The following DAG1 variants were observed in gnomAD, a reference collection of about 807,000 sequenced individuals.
DAG1 encodes the protein dystroglycan 1.
In DAG1, 8 loss-of-function variants were observed where a neutral mutation model predicts 46.1. That is an observed-to-expected ratio of 0.17 (90% CI 0.10 to 0.31). DAG1 has a LOEUF of 0.31. Among genes scored for constraint, DAG1 ranks in the 10% least tolerant of loss-of-function variants. DAG1 has a pLI of 1.00. For missense variants in DAG1, 1,003 were observed against 1,189.9 expected, an observed-to-expected ratio of 0.84 and a Z score of 2.31; for synonymous variants, 495 against 481.8, an observed-to-expected ratio of 1.03 and a Z score of -0.36.
intron 1 of DAG1, among the ~76,000 whole-genome samples, chr3:49,478,729 C>T (rs896986938): frequency 3.4e-5 from 5 of 148,600 alleles, no homozygotes; most frequent in African/African-American, 7.4e-5. Flanking sequence ...CACCACTGCA[C>T]TCCAGACTGG....
intron 1 of DAG1, among the ~76,000 whole-genome samples, chr3:49,472,234 G>A (rs533707005): frequency 1.3e-5 from 2 of 152,146 alleles, no homozygotes; most frequent in African/African-American, 2.4e-5. Flanking sequence ...TAACAGAGGA[G>A]AGGTGGGGAG....
intron 1 of DAG1, among the ~76,000 whole-genome samples, chr3:49,503,612 G>A (rs916692375): frequency 1.3e-5 from 2 of 152,116 alleles, no homozygotes; most frequent in African/African-American, 4.8e-5. Context: ...TGGGTGGATT[G>A]CTTTAGCCCA....
rs377337909 is a variant in DAG1 at position 49,532,215 on chromosome 3, C to T, written c.1704C>T (p.Ser568=). 6.2e-7 allele frequency: 1 copy of T among 1,614,098 alleles called. No individual in the cohort carries two copies. The highest frequency in any genetic ancestry group is 8.5e-7 in the Non-Finnish European group (1 of 1,179,926). The change falls in exon 3 of 3, where the codon AGC becomes AGT. Residue 568 remains serine (S), a synonymous_variant. Coordinates refer to ENST00000308775, the MANE Select transcript of DAG1 (RefSeq NM_004393.6). This position sits in a 1 kb window ranked among gnomAD's most constrained non-coding sequence, Gnocchi z 5.4. The part of the protein sequence containing the change: ...SQLMYGLPDS[S]HVGKHEYFMH... The stretch of plus-strand genomic sequence containing the variant: ...TCATGTATGGCCTTCCCGACAGCAG[C>T]CACGTGGGCAAACACGAGTATTTCA...
At chr3:49,495,431 GTAAACATGTGC>G (rs1010429833) in intron 1 of DAG1, among the ~76,000 whole-genome samples, 3 of 152,182 alleles carry the variant, frequency 2.0e-5, no homozygotes, top group Non-Finnish European at 4.4e-5. Flanking sequence ...TAGGTAGTTG[GTAAACATGTGC>G]TGAAGTGTTA....
rs771967262 is a variant in DAG1 at position 49,510,579 on chromosome 3, G to A, written c.45G>A (p.Gly15=). 44 of 1,613,820 alleles carry A rather than the reference G, an allele frequency of 2.7e-5. No homozygotes were observed. Among genetic ancestry groups the A allele is most frequent in the Non-Finnish European group, 1.9e-5 (22 of 1,180,006 alleles). Residue 15 remains glycine (G), a synonymous_variant, in exon 2 of 3, where the codon GGG becomes GGA. Transcript: ENST00000308775. ...TCTCGCTGCTGCTGCCCCTCTCGGG[G>A]AGGACCTTTCTCCTCCTGCTCTCTG... is the stretch of plus-strand genomic sequence containing the variant. ...VGLSLLLPLS[G]RTFLLLLSVV... is the part of the protein sequence containing the mutation.
intron 1 of DAG1, among the ~76,000 whole-genome samples, chr3:49,510,024 C>T (rs1478974380): frequency 6.6e-6 from 1 of 152,122 alleles, no homozygotes; most frequent in East Asian, 1.9e-4. Context: ...CCACGGTGCC[C>T]GTCTTGTTTA....
At chr3:49,482,723 C>T (rs967025552) in intron 1 of DAG1, among the ~76,000 whole-genome samples, 2 of 152,114 alleles carry the variant, frequency 1.3e-5, no homozygotes, top group Admixed American at 1.3e-4. Context: ...TTTTGATATC[C>T]TGGAACCAAT....
chr3:49,472,663 C>T (rs561369448), intron 1 of DAG1, among the ~76,000 whole-genome samples: 18 of 152,128 alleles, frequency 1.2e-4, no homozygotes, highest in Admixed American at 5.9e-4. Context: ...AAAAATTAGC[C>T]GGGCGTGGTG....
At chr3:49,508,227 G>T in intron 1 of DAG1, among the ~76,000 whole-genome samples, 1 of 127,032 alleles carries the variant, frequency 7.9e-6, no homozygotes. Flanking sequence ...ATGAGATGGA[G>T]TTTTGCTCTT....
chr3:49,495,241 G>T (rs1389972933), intron 1 of DAG1, among the ~76,000 whole-genome samples: 1 of 152,170 alleles, frequency 6.6e-6, no homozygotes, highest in Non-Finnish European at 1.5e-5. Context: ...GCAACTTTCA[G>T]TTTCTATTAG....
chr3:49,527,569 G>A (rs2051214444), intron 2 of DAG1, among the ~76,000 whole-genome samples: 1 of 151,730 alleles, frequency 6.6e-6, no homozygotes, highest in Admixed American at 6.6e-5. Context: ...CAGGCGTGGT[G>A]GCGGGCGCCT....
At chr3:49,519,650 A>G (rs2050980027) in intron 2 of DAG1, among the ~76,000 whole-genome samples, 1 of 152,164 alleles carries the variant, frequency 6.6e-6, no homozygotes, top group African/African-American at 2.4e-5. Context: ...TGGCGATGGA[A>G]GGCATCCTTG....
chr3:49,485,689 T>C (rs911042700), intron 1 of DAG1, among the ~76,000 whole-genome samples: 2 of 137,770 alleles, frequency 1.5e-5, no homozygotes, highest in African/African-American at 5.4e-5. Flanking sequence ...TGAGACAAGG[T>C]CTCACTCTGT....
At chr3:49,472,349 C>A (rs532060549) in intron 1 of DAG1, among the ~76,000 whole-genome samples, 1 of 152,026 alleles carries the variant, frequency 6.6e-6, no homozygotes, top group Non-Finnish European at 1.5e-5. Context: ...GCCAGAAGAC[C>A]AAGCATAACC....
At chr3:49,523,968 T>C (rs2051104223) in intron 2 of DAG1, among the ~76,000 whole-genome samples, 1 of 152,128 alleles carries the variant, frequency 6.6e-6, no homozygotes. Context: ...TGGGGATGAG[T>C]CCTGGCTTGT....
intron 1 of DAG1, among the ~76,000 whole-genome samples, chr3:49,486,112 C>T (rs2050016956): frequency 6.6e-6 from 1 of 151,978 alleles, no homozygotes. Context: ...TGTCAGACTG[C>T]CAGCAGAAGC....
chr3:49,493,605 T>C (rs2050241781), intron 1 of DAG1, among the ~76,000 whole-genome samples: 1 of 152,168 alleles, frequency 6.6e-6, no homozygotes, highest in South Asian at 2.1e-4. Flanking sequence ...TTGAGAGTAA[T>C]GGATTTACTT....
intron 2 of DAG1, among the ~76,000 whole-genome samples, chr3:49,525,857 CTTT>C (rs1347060645): frequency 7.2e-6 from 1 of 138,582 alleles, no homozygotes; most frequent in African/African-American, 2.7e-5. Context: ...CGCGCTCGGC[CTTT>C]TTTTTTTTGA....
intron 2 of DAG1, among the ~76,000 whole-genome samples, chr3:49,525,412 T>C (rs911177378): frequency 1.3e-5 from 2 of 152,232 alleles, no homozygotes; most frequent in African/African-American, 4.8e-5. Context: ...AATTGGCTCA[T>C]GGTTCTGCAG....
Sources: gnomAD v4.1 joint callset for allele counts (sites outside exome capture counted in the v4.1 genomes callset) on GRCh38, gnomAD v4.1.1 for gene constraint, Gnocchi (gnomAD v3.1) non-coding constraint, MANE v1.5 for transcripts, NCBI Gene and HGNC (gene_info 2026-07-23, HGNC 2026-07-21) for gene names.